The following LOC400499 variants were observed in gnomAD, a reference collection of about 807,000 sequenced individuals.
chr16:11,407,256 C>A, the LOC400499 span: 1 of 398,928 alleles, frequency 2.5e-6, no homozygotes, highest in Non-Finnish European at 4.4e-6. Context: ...TTAGCAGCTA[C>A]CTGCCGGGTG....
chr16:11,499,797 G>A, the LOC400499 span, among the ~76,000 whole-genome samples: 1 of 152,126 alleles, frequency 6.6e-6, no homozygotes, highest in Non-Finnish European at 1.5e-5. Context: ...CTATTAGCCG[G>A]GACAAGATGG....
At chr16:11,417,464 T>C in the LOC400499 span, among the ~76,000 whole-genome samples, 5 of 147,848 alleles carry the variant, frequency 3.4e-5, no homozygotes, top group Non-Finnish European at 6.0e-5. Context: ...TCCACCTGCC[T>C]TGGGAGTTAG....
the LOC400499 span, among the ~76,000 whole-genome samples, chr16:11,379,761 T>G: frequency 1.3e-5 from 2 of 152,222 alleles, no homozygotes; most frequent in African/African-American, 4.8e-5. Context: ...CCTTTGTGTT[T>G]AATTGATGTT....
the LOC400499 span, among the ~76,000 whole-genome samples, chr16:11,473,724 C>T: frequency 6.6e-6 from 1 of 151,136 alleles, no homozygotes; most frequent in Non-Finnish European, 1.5e-5. Context: ...CATTGCACTC[C>T]AGCCTGGGCA....
chr16:11,502,337 C>T, the LOC400499 span, among the ~76,000 whole-genome samples: 1 of 152,302 alleles, frequency 6.6e-6, no homozygotes, highest in African/African-American at 2.4e-5. Flanking sequence ...AGATGAAGCT[C>T]CAGGTCTGGC....
the LOC400499 span, chr16:11,461,990 T>A: frequency 1.1e-6 from 1 of 870,608 alleles, no homozygotes; most frequent in Non-Finnish European, 1.6e-6. Context: ...GGAGCTTGGA[T>A]CTGCCCTTGG....
the LOC400499 span, among the ~76,000 whole-genome samples, chr16:11,390,809 G>A: frequency 1.3e-5 from 2 of 152,168 alleles, no homozygotes; most frequent in Non-Finnish European, 2.9e-5. Context: ...TGACAGTGTG[G>A]TCCGTGCCAA....
the LOC400499 span, among the ~76,000 whole-genome samples, chr16:11,432,573 T>A: frequency 2.0e-5 from 3 of 152,120 alleles, no homozygotes; most frequent in Non-Finnish European, 4.4e-5. Flanking sequence ...TACTCCAGGG[T>A]CATAATGAGT....
At chr16:11,502,718 G>C in the LOC400499 span, among the ~76,000 whole-genome samples, 1 of 151,142 alleles carries the variant, frequency 6.6e-6, no homozygotes, top group South Asian at 2.1e-4. Flanking sequence ...GGGTTCTAGC[G>C]ATTCTCCCGC....
At chr16:11,454,994 T>C in the LOC400499 span, among the ~76,000 whole-genome samples, 87 of 152,218 alleles carry the variant, frequency 5.7e-4, 2 homozygotes, top group African/African-American at 2.2e-4. Context: ...ACAAAACTAA[T>C]TGAAGTCAAT....
chr16:11,491,849 G>C, the LOC400499 span: 30 of 398,908 alleles, frequency 7.5e-5, no homozygotes, highest in South Asian at 1.4e-3. Context: ...CCGATCTCTG[G>C]CTTGGGCAGA....
chr16:11,439,872 G>C, the LOC400499 span, among the ~76,000 whole-genome samples: 58 of 151,920 alleles, frequency 3.8e-4, no homozygotes, highest in African/African-American at 1.3e-3. Flanking sequence ...CCTTCTACTT[G>C]ACCCTGACCT....
the LOC400499 span, among the ~76,000 whole-genome samples, chr16:11,487,995 T>G: frequency 6.6e-6 from 1 of 151,780 alleles, no homozygotes; most frequent in Non-Finnish European, 1.5e-5. Context: ...TGCGCGCCTG[T>G]AGTCCCAGCT....
the LOC400499 span, among the ~76,000 whole-genome samples, chr16:11,459,094 T>C: frequency 6.6e-6 from 1 of 150,874 alleles, no homozygotes; most frequent in South Asian, 2.1e-4. Flanking sequence ...AAATTTTACA[T>C]GATGTATACT....
chr16:11,526,386 C>CA, the LOC400499 span, among the ~76,000 whole-genome samples: 4 of 152,132 alleles, frequency 2.6e-5, no homozygotes, highest in Non-Finnish European at 5.9e-5. Context: ...CCCGTCTCCA[C>CA]AAAAAATATT....
the LOC400499 span, among the ~76,000 whole-genome samples, chr16:11,406,370 A>G: frequency 1.3e-5 from 2 of 152,298 alleles, no homozygotes; most frequent in Non-Finnish European, 2.9e-5. Flanking sequence ...GTAATATTCC[A>G]TGGTGTATAT....
the LOC400499 span, among the ~76,000 whole-genome samples, chr16:11,476,175 G>A: frequency 6.6e-6 from 1 of 151,910 alleles, no homozygotes; most frequent in African/African-American, 2.4e-5. Context: ...GTGAGTGAGG[G>A]GCAGGGAACA....
chr16:11,450,735 G>A, the LOC400499 span: 1 of 1,536,134 alleles, frequency 6.5e-7, no homozygotes, highest in South Asian at 1.2e-5. Context: ...TTAGCTCCAG[G>A]ACAGCCTGGA....
At chr16:11,443,370 G>A in the LOC400499 span, 3 of 410,254 alleles carry the variant, frequency 7.3e-6, no homozygotes, top group East Asian at 7.7e-5. Context: ...GATCGGAGGG[G>A]TCTGTGCATG....
Sources: gnomAD v4.1 joint callset for allele counts (sites outside exome capture counted in the v4.1 genomes callset) on GRCh38, gnomAD v4.1.1 for gene constraint, MANE v1.5 for transcripts.